The following TMEM164 variants were observed in gnomAD, a reference collection of about 807,000 sequenced individuals.
The protein encoded by TMEM164 is RP13-360B22.2.
In TMEM164, 4 loss-of-function variants were observed where a neutral mutation model predicts 18.8. The observed-to-expected ratio is 0.21, with a 90% CI of 0.10 to 0.49. The LOEUF (loss-of-function observed/expected upper bound fraction) is 0.49. TMEM164 is among the 20% of genes least tolerant of loss of function. TMEM164 has a pLI of 0.98. For synonymous variants in TMEM164, 86 were observed against 101.7 expected (o/e 0.85, Z 0.93); for missense variants, 108 against 239.9 (o/e 0.45, Z 3.63).
intron 2 of TMEM164, among the ~76,000 whole-genome samples, chrX:110,045,340 A>C: frequency 8.9e-6 from 1 of 112,010 alleles, no homozygotes; most frequent in Middle Eastern, 4.6e-3. Flanking sequence ...AAAGGGGGCT[A>C]AGTTTTTAGG....
intron 2 of TMEM164, among the ~76,000 whole-genome samples, chrX:110,055,683 A>G (rs2147819708): frequency 8.9e-6 from 1 of 111,874 alleles, no homozygotes; most frequent in South Asian, 3.8e-4. Context: ...GTTGAAGAAC[A>G]GGGAGGGGTT....
In TMEM164 at chrX:110,173,424, C is replaced by T. The variant is rs754809574; in HGVS notation, c.867C>T (p.Leu289=). The T allele has an allele frequency of 1.7e-4, 202 of 1,208,057 alleles. 1 individual carries two copies. The East Asian group carries it at 6.0e-3, about 36-fold the overall frequency. Residue 289 remains leucine, a synonymous_variant, in exon 7 of 7, where the codon CTC becomes CTT. Transcript: ENST00000372068. ...GPLCKYLLDL[L]RLPAKKID is the part of the protein sequence containing the mutation. ...TGTGTAAATATCTGCTGGATTTGCT[C>T]CGGCTTCCAGCCAAGAAAATAGACT... is the stretch of plus-strand genomic sequence containing the variant.
At chrX:110,036,776 T>TA (rs1183825958) in intron 2 of TMEM164, among the ~76,000 whole-genome samples, 2 of 112,255 alleles carry the variant, frequency 1.8e-5, no homozygotes, top group East Asian at 5.6e-4. Context: ...TTCTCTTGTG[T>TA]ATCTGGTAGA....
chrX:110,147,833 C>T (rs376851757), intron 5 of TMEM164, among the ~76,000 whole-genome samples: 37 of 110,765 alleles, frequency 3.3e-4, no homozygotes, highest in East Asian at 2.6e-3. Flanking sequence ...CTTGTTTTCC[C>T]GTAAAGCTCC....
intron 2 of TMEM164, among the ~76,000 whole-genome samples, 193 bp from the exon 3 acceptor site, chrX:110,067,154 G>GCGCGCACA (rs34465050): frequency 6.9e-5 from 7 of 101,612 alleles, no homozygotes; most frequent in Non-Finnish European, 1.2e-4. Context: ...TCATGTGTGC[G>GCGCGCACA]CACACACACA....
intron 5 of TMEM164, among the ~76,000 whole-genome samples, chrX:110,150,268 A>C (rs969215243): frequency 9.0e-6 from 1 of 111,722 alleles, no homozygotes; most frequent in Non-Finnish European, 1.9e-5. Context: ...GACTTCTTGT[A>C]GATGGGCAAA....
chrX:110,122,731 G>A (rs1036926867), intron 4 of TMEM164, among the ~76,000 whole-genome samples: 2 of 110,758 alleles, frequency 1.8e-5, no homozygotes, highest in South Asian at 3.7e-4. Context: ...ATGTCTTTTT[G>A]GAGAAATATC....
At chrX:110,043,174 A>G (rs1407677110) in intron 2 of TMEM164, among the ~76,000 whole-genome samples, 2 of 112,629 alleles carry the variant, frequency 1.8e-5, no homozygotes, top group Admixed American at 1.9e-4. Context: ...TTAACTCACC[A>G]CCCTATGGTG....
intron 3 of TMEM164, among the ~76,000 whole-genome samples, chrX:110,071,537 A>G (rs2065588523): frequency 2.8e-5 from 3 of 108,653 alleles, no homozygotes; most frequent in South Asian, 4.0e-4. Context: ...TCTTGCTTCA[A>G]TATTCCCGAG....
At chrX:110,124,163 G>GAAGA (rs1329782372) in intron 4 of TMEM164, among the ~76,000 whole-genome samples, 3 of 100,058 alleles carry the variant, frequency 3.0e-5, no homozygotes, top group Non-Finnish European at 4.1e-5. Context: ...AGGAAGGAAG[G>GAAGA]AAGGAAGGAA....
At position 110,082,152 on chromosome X, in the gene TMEM164, A is replaced by G. The variant is rs73250282; in HGVS notation, c.440+14756A>G. The G allele has an allele frequency of 7.0e-3, 791 of 113,645 alleles. 6 individuals are homozygous for G. The highest frequency in any genetic ancestry group is 0.012 in the Non-Finnish European group (654 of 53,353). 9.4% of individuals were successfully genotyped at this position (113,645 alleles called of 1,213,427 possible). A position where few individuals can be genotyped will look rare whatever the true frequency, so the allele number is the denominator to read the frequency against. On this transcript the variant is annotated intron_variant, in intron 3 of 6. Coordinates refer to ENST00000372068, the MANE Select transcript of TMEM164 (RefSeq NM_032227.4). The stretch of plus-strand genomic sequence containing the variant: ...AGCATGCATCCAGGGTGTGGAGCCA[A>G]AATTAGAAGGGCCAAAATTCTACCT...
downstream of TMEM164, among the ~76,000 whole-genome samples, chrX:110,183,548 GC>G (rs2067330963): frequency 8.9e-6 from 1 of 111,773 alleles, no homozygotes; most frequent in African/African-American, 3.3e-5. Flanking sequence ...AAGGCACTTG[GC>G]ACAGTACCTG....
intron 4 of TMEM164, among the ~76,000 whole-genome samples, chrX:110,135,273 C>T (rs1001174727): frequency 9.1e-5 from 10 of 110,229 alleles, no homozygotes; most frequent in South Asian, 7.5e-4. Flanking sequence ...ACAATATAGA[C>T]TTGCTCTATT....
At chrX:110,170,917 G>A (rs1274408583) in intron 5 of TMEM164, among the ~76,000 whole-genome samples, 1 of 111,675 alleles carries the variant, frequency 9.0e-6, no homozygotes, top group Non-Finnish European at 1.9e-5. Flanking sequence ...CACATGGCCC[G>A]TAAGCGGTAG....
At chrX:110,161,525 C>T (rs181662148) in intron 5 of TMEM164, among the ~76,000 whole-genome samples, 1 of 112,031 alleles carries the variant, frequency 8.9e-6, no homozygotes, top group East Asian at 2.8e-4. Context: ...TTTCTGAAGA[C>T]CACTGGATTG....
intron 2 of TMEM164, among the ~76,000 whole-genome samples, chrX:110,048,101 T>C (rs924599721): frequency 1.9e-4 from 21 of 111,521 alleles, no homozygotes; most frequent in African/African-American, 6.5e-4. Context: ...CACTCTATAC[T>C]ATCCAGGCAA....
chrX:110,055,948 A>G (rs1331750972), intron 2 of TMEM164, among the ~76,000 whole-genome samples: 1 of 111,283 alleles, frequency 9.0e-6, no homozygotes, highest in Non-Finnish European at 1.9e-5. Flanking sequence ...TTGAATGCCC[A>G]ATTAAGGAAT....
Position 110,173,145 on chromosome X carries a change from C to T in TMEM164, c.688-100C>T, listed in dbSNP as rs2067253147. ...AACAGGTGGGGATTGGTCAATCCCT[C>T]CTTGTCTAGTCCCCCATTAGGTAGA... On this transcript the variant is annotated intron_variant, in intron 6 of 6. Coordinates refer to ENST00000372068, the MANE Select transcript of TMEM164 (RefSeq NM_032227.4). The T allele has an allele frequency of 6.9e-6, 6 of 870,820 alleles. No homozygotes were observed. In the South Asian group the frequency reaches 1.1e-4, roughly 16 times the overall value. The allele number at this position is 870,820 out of a possible 1,213,427, so 71.8% of individuals were successfully genotyped here.
chrX:110,003,732 C>T lies in TMEM164; in HGVS notation c.-43C>T, dbSNP rs773334295. ...AACCCTCTGGGCTTGTGTTCCATCT[C>T]ACTCTTGCTTCCTGTACTGTGGTCA... On this transcript the variant is annotated 5_prime_UTR_variant, in exon 2 of 7. Transcript: ENST00000372068. 1.0e-5 allele frequency: 12 copies of T among 1,152,297 alleles called. No individual in the cohort carries two copies. In the East Asian group the frequency reaches 3.3e-4, roughly 32 times the overall value. 95.0% of individuals were successfully genotyped at this position (1,152,297 alleles called of 1,213,427 possible).
Sources: gnomAD v4.1 joint callset for allele counts (sites outside exome capture counted in the v4.1 genomes callset) on GRCh38, gnomAD v4.1.1 for gene constraint, MANE v1.5 for transcripts, NCBI Gene and HGNC (gene_info 2026-07-23, HGNC 2026-07-21) for gene names.